Variants in RBMS3 observed in about 807,000 individuals in gnomAD.
RBMS3 encodes the protein RNA binding motif single stranded interacting protein 3.
A neutral mutation model predicts 66.8 loss-of-function variants in RBMS3; 27 were observed. The ratio of observed to expected loss-of-function variants is 0.40; its 90% CI spans 0.30 to 0.56. RBMS3 has a LOEUF of 0.56. Among genes scored for constraint, RBMS3 ranks in the 20% least tolerant of loss-of-function variants. The probability of loss-of-function intolerance (pLI) is 0.40; values close to 1 mark genes in which losing one functional copy is unlikely to be tolerated. For synonymous variants in RBMS3, 188 were observed against 183.0 expected, an observed-to-expected ratio of 1.03 and a Z score of -0.22; for missense variants, 513 against 549.5, an observed-to-expected ratio of 0.93 and a Z score of 0.66.
At chr3:29,521,493 T>C (rs1211618061) in intron 3 of RBMS3, among the ~76,000 whole-genome samples, 4 of 152,180 alleles carry the variant, frequency 2.6e-5, no homozygotes, top group Non-Finnish European at 4.4e-5. Flanking sequence ...TAGCCAGGTC[T>C]CCAGGACTCA....
chr3:29,332,172 C>T (rs963014845), intron 1 of RBMS3, among the ~76,000 whole-genome samples: 4 of 152,132 alleles, frequency 2.6e-5, no homozygotes, highest in Non-Finnish European at 5.9e-5. Flanking sequence ...TCTGAAAACA[C>T]TGACTGATTT....
intron 10 of RBMS3, chr3:29,903,359 C>A (rs1006384562): frequency 1.3e-5 from 2 of 151,938 alleles, no homozygotes; most frequent in South Asian, 4.1e-4. Flanking sequence ...ATTAGGAATT[C>A]CCTTTTTTCT....
At chr3:29,380,601 A>ACCTAATCCCTAT in intron 1 of RBMS3, among the ~76,000 whole-genome samples, 1 of 152,338 alleles carries the variant, frequency 6.6e-6, no homozygotes, top group South Asian at 2.1e-4. Context: ...ACTGAGTCAT[A>ACCTAATCCCTAT]GAGGGATTAG....
intron 3 of RBMS3, among the ~76,000 whole-genome samples, chr3:29,564,450 C>T (rs567584693): frequency 6.7e-6 from 1 of 149,568 alleles, no homozygotes; most frequent in East Asian, 2.0e-4. Context: ...CGTGCTATTG[C>T]GCTCCAGCCT....
At chr3:29,910,578 A>T (rs2060490193) in intron 10 of RBMS3, among the ~76,000 whole-genome samples, 1 of 151,940 alleles carries the variant, frequency 6.6e-6, no homozygotes, top group South Asian at 2.1e-4. Context: ...CTGAATTTTG[A>T]CTTTGCTAGA....
chr3:29,353,087 T>A (rs1361235214), intron 1 of RBMS3, among the ~76,000 whole-genome samples: 2 of 151,994 alleles, frequency 1.3e-5, no homozygotes, highest in African/African-American at 2.4e-5. Flanking sequence ...TCCTAATATA[T>A]TTTTAATTTG....
chr3:29,702,294 G>A (rs1395882313), intron 4 of RBMS3, among the ~76,000 whole-genome samples: 1 of 151,970 alleles, frequency 6.6e-6, no homozygotes, highest in Non-Finnish European at 1.5e-5. Context: ...ATCTAGTGTG[G>A]ACTTGGAGAA....
intron 3 of RBMS3, among the ~76,000 whole-genome samples, chr3:29,502,026 A>C (rs2043994499): frequency 1.3e-5 from 2 of 152,142 alleles, no homozygotes; most frequent in African/African-American, 4.8e-5. Flanking sequence ...GTAATTCATC[A>C]GAAGGGCAAA....
chr3:29,993,509 G>A (rs899322948), intron 14 of RBMS3, among the ~76,000 whole-genome samples: 3 of 152,266 alleles, frequency 2.0e-5, no homozygotes, highest in Admixed American at 6.5e-5. Context: ...GGGTGATTTT[G>A]GATGAGGTTA....
At chr3:29,817,666 A>G (rs1176575014) in intron 6 of RBMS3, among the ~76,000 whole-genome samples, 1 of 152,136 alleles carries the variant, frequency 6.6e-6, no homozygotes, top group Non-Finnish European at 1.5e-5. Context: ...TTTGCTCAGC[A>G]TGCTTAATAT....
rs773270387 is a variant in RBMS3 at position 29,899,719 on chromosome 3, A to G, written c.903A>G (p.Ser301=). Residue 301 remains serine (S), a synonymous_variant, in exon 10 of 15, where the codon TCA becomes TCG. Transcript: ENST00000383767. ...PVSTYQVQST[S]WMPHPPYVMQ... ...TTGATGCATAGGTCCAGAGTACTTC[A>G]TGGATGCCTCATCCGCCATACGTTA... is the stretch of plus-strand genomic sequence containing the variant. 7 of 1,610,154 alleles carry G rather than the reference A, an allele frequency of 4.3e-6. No individual in the cohort carries two copies. Among genetic ancestry groups the G allele is most frequent in the Non-Finnish European group, 5.1e-6 (6 of 1,177,982 alleles).
At chr3:29,595,496 T>G (rs2047915983) in intron 4 of RBMS3, among the ~76,000 whole-genome samples, 1 of 152,114 alleles carries the variant, frequency 6.6e-6, no homozygotes, top group Non-Finnish European at 1.5e-5. Flanking sequence ...CACAAGCTGA[T>G]CTGAGTCAAT....
chr3:29,407,233 G>C (rs1261564956), intron 1 of RBMS3, among the ~76,000 whole-genome samples: 1 of 152,170 alleles, frequency 6.6e-6, no homozygotes, highest in African/African-American at 2.4e-5. Context: ...CAGTTCACTG[G>C]ATTATCACAA....
At chr3:29,829,828 ATGC>A (rs200023057) in intron 6 of RBMS3, among the ~76,000 whole-genome samples, 11,752 of 151,778 alleles carry the variant, frequency 0.077, 521 homozygotes, top group East Asian at 0.16. Flanking sequence ...CAAGAGGAGA[ATGC>A]CTCTGCTAAG....
intron 2 of RBMS3, among the ~76,000 whole-genome samples, chr3:29,473,038 T>C (rs149392485): frequency 6.6e-6 from 1 of 151,146 alleles, no homozygotes; most frequent in Admixed American, 6.6e-5. Context: ...AGATACAGAG[T>C]GTAGATTGGT....
At chr3:29,923,099 G>T (rs937882795) in intron 10 of RBMS3, among the ~76,000 whole-genome samples, 5 of 152,166 alleles carry the variant, frequency 3.3e-5, no homozygotes, top group African/African-American at 1.2e-4. Context: ...AAATAAGATT[G>T]CCTCTCCCTT....
intron 4 of RBMS3, among the ~76,000 whole-genome samples, chr3:29,672,782 G>A (rs1406135443): frequency 6.6e-6 from 1 of 152,160 alleles, no homozygotes; most frequent in African/African-American, 2.4e-5. Flanking sequence ...GATTCATAAA[G>A]CAAGTCCTTA....
At chr3:29,408,815 G>T (rs2040139869) in intron 1 of RBMS3, among the ~76,000 whole-genome samples, 1 of 152,166 alleles carries the variant, frequency 6.6e-6, no homozygotes. Context: ...GCTGTGATGA[G>T]CCTGAGCTAG....
At chr3:29,574,658 C>T (rs1285159925) in intron 3 of RBMS3, among the ~76,000 whole-genome samples, 4 of 151,870 alleles carry the variant, frequency 2.6e-5, no homozygotes, top group African/African-American at 9.7e-5. Context: ...TTTCAGTCTT[C>T]CTTTTAGTGA....
Sources: allele counts gnomAD v4.1 joint callset (sites outside exome capture counted in the v4.1 genomes callset), GRCh38; gene constraint gnomAD v4.1.1; transcripts MANE v1.5; gene names NCBI Gene and HGNC (gene_info 2026-07-23, HGNC 2026-07-21).